Variants in TNFSF4 observed in about 807,000 individuals in gnomAD.
TNFSF4 encodes TNF superfamily member 4, also known as tumor necrosis factor ligand superfamily member 4.
Under a neutral mutation model 7.3 loss-of-function variants are expected in TNFSF4, and 4 were observed. The observed-to-expected ratio is 0.55, with a 90% CI of 0.27 to 1.25. The LOEUF is 1.25. Among genes scored for constraint, TNFSF4 ranks in the 50% most tolerant of loss-of-function variants. The pLI, the probability that TNFSF4 is intolerant of heterozygous loss-of-function variation, is 0.12. For synonymous variants in TNFSF4, 76 were observed against 83.7 expected, an observed-to-expected ratio of 0.91 and a Z score of 0.50; for missense variants, 181 against 208.8, an observed-to-expected ratio of 0.87 and a Z score of 0.82.
the TNFSF4 span, among the ~76,000 whole-genome samples, chr1:173,301,432 T>G: frequency 6.6e-6 from 1 of 151,910 alleles, no homozygotes; most frequent in Non-Finnish European, 1.5e-5. Flanking sequence ...TGGGTTGTTG[T>G]GAAGATTCAA....
the TNFSF4 span, among the ~76,000 whole-genome samples, chr1:173,357,134 T>A: frequency 4.6e-5 from 7 of 152,298 alleles, no homozygotes; most frequent in South Asian, 1.5e-3. Context: ...GGAAGTCAAT[T>A]GACTTTGGGC....
At chr1:173,252,946 T>C in the TNFSF4 span, among the ~76,000 whole-genome samples, 4 of 152,230 alleles carry the variant, frequency 2.6e-5, no homozygotes, top group Non-Finnish European at 4.4e-5. Flanking sequence ...AAATCTTACA[T>C]GCCTCCCTTC....
chr1:173,247,388 G>T, the TNFSF4 span, among the ~76,000 whole-genome samples: 8 of 152,214 alleles, frequency 5.3e-5, no homozygotes, highest in African/African-American at 1.9e-4. Context: ...GGAGAGAAAA[G>T]ATACATCTGA....
intron 1 of TNFSF4, among the ~76,000 whole-genome samples, chr1:173,189,221 C>G (rs1649369102): frequency 6.6e-6 from 1 of 152,160 alleles, no homozygotes; most frequent in Non-Finnish European, 1.5e-5. Flanking sequence ...TAACGTAGCA[C>G]TATAGTCATA....
chr1:173,433,066 T>C, the TNFSF4 span, among the ~76,000 whole-genome samples: 1 of 152,198 alleles, frequency 6.6e-6, no homozygotes, highest in African/African-American at 2.4e-5. Flanking sequence ...ATTGACCCAT[T>C]TGCCAGGAAC....
At chr1:173,214,278 C>T in the TNFSF4 span, among the ~76,000 whole-genome samples, 1 of 152,132 alleles carries the variant, frequency 6.6e-6, no homozygotes, top group Non-Finnish European at 1.5e-5. Context: ...TAGTACATGG[C>T]AGAGCTGGTA....
chr1:173,177,488 G>A, the TNFSF4 span, among the ~76,000 whole-genome samples: 26 of 152,134 alleles, frequency 1.7e-4, no homozygotes, highest in African/African-American at 5.8e-4. Flanking sequence ...GCTACCTATC[G>A]GGTTCTTACA....
the TNFSF4 span, among the ~76,000 whole-genome samples, chr1:173,428,347 G>A: frequency 6.6e-6 from 1 of 152,166 alleles, no homozygotes; most frequent in African/African-American, 2.4e-5. Context: ...AACAGAAAAT[G>A]GAGGATACTG....
At chr1:173,235,197 A>AT in the TNFSF4 span, among the ~76,000 whole-genome samples, 1 of 152,126 alleles carries the variant, frequency 6.6e-6, no homozygotes, top group African/African-American at 2.4e-5. Flanking sequence ...TTGATGCAGG[A>AT]TTTTTTGCTC....
At chr1:173,386,015 G>A in the TNFSF4 span, among the ~76,000 whole-genome samples, 379 of 152,268 alleles carry the variant, frequency 2.5e-3, 3 homozygotes, top group African/African-American at 8.8e-3. Flanking sequence ...GAAGTCAAAT[G>A]TTATTCATCA....
chr1:173,421,525 T>C, the TNFSF4 span, among the ~76,000 whole-genome samples: 1 of 152,146 alleles, frequency 6.6e-6, no homozygotes, highest in African/African-American at 2.4e-5. Context: ...GGTAAAATAA[T>C]CTGCCATCCT....
At chr1:173,353,867 T>C in the TNFSF4 span, among the ~76,000 whole-genome samples, 1 of 152,186 alleles carries the variant, frequency 6.6e-6, no homozygotes, top group Admixed American at 6.5e-5. Flanking sequence ...TAAGTGATCA[T>C]CATCTTCATA....
At chr1:173,189,162 T>A (rs139624039) in intron 1 of TNFSF4, among the ~76,000 whole-genome samples, 1 of 152,304 alleles carries the variant, frequency 6.6e-6, no homozygotes, top group East Asian at 1.9e-4. Context: ...GCCAAACTCT[T>A]CTTTGGTATA....
the TNFSF4 span, among the ~76,000 whole-genome samples, chr1:173,308,902 A>G: frequency 1.3e-5 from 2 of 151,944 alleles, no homozygotes; most frequent in African/African-American, 4.8e-5. Flanking sequence ...AAGAAGCTGT[A>G]TTGATGTTTA....
the TNFSF4 span, among the ~76,000 whole-genome samples, chr1:173,418,943 T>C: frequency 3.3e-5 from 5 of 152,234 alleles, no homozygotes; most frequent in African/African-American, 1.2e-4. Flanking sequence ...CAAATTCACA[T>C]ATCGATGACA....
intron 1 of TNFSF4, 44 bp from the exon 2 acceptor site, chr1:173,188,613 C>A (rs1417286262): frequency 1.3e-6 from 2 of 1,537,622 alleles, no homozygotes; most frequent in East Asian, 2.3e-5. Context: ...AAAACATGAA[C>A]AAATGAAATT....
the TNFSF4 span, among the ~76,000 whole-genome samples, chr1:173,407,468 A>T: frequency 9.3e-5 from 14 of 151,080 alleles, no homozygotes; most frequent in East Asian, 2.3e-3. Flanking sequence ...GCTGAGGTAG[A>T]ATAATCACTT....
chr1:173,372,081 G>T, the TNFSF4 span, among the ~76,000 whole-genome samples: 3 of 152,198 alleles, frequency 2.0e-5, no homozygotes, highest in Non-Finnish European at 4.4e-5. Context: ...AGCTAATCAA[G>T]GGTACGAGGC....
At chr1:173,277,747 G>A in the TNFSF4 span, among the ~76,000 whole-genome samples, 1 of 152,030 alleles carries the variant, frequency 6.6e-6, no homozygotes, top group Non-Finnish European at 1.5e-5. Flanking sequence ...TAAAAGCTTT[G>A]GGTATTCATT....
Sources: gnomAD v4.1 joint callset for allele counts (sites outside exome capture counted in the v4.1 genomes callset) on GRCh38, gnomAD v4.1.1 for gene constraint, MANE v1.5 for transcripts, NCBI Gene and HGNC (gene_info 2026-07-23, HGNC 2026-07-21) for gene names.